The following SCFD1 variants were observed in gnomAD, a reference collection of about 807,000 sequenced individuals.
SCFD1 encodes the protein sec1 family domain containing 1.
In SCFD1, 37 loss-of-function variants were observed where a neutral mutation model predicts 103.2. The ratio of observed to expected loss-of-function variants is 0.36; its 90% CI spans 0.28 to 0.47. The LOEUF is 0.47. Ranked by LOEUF, SCFD1 falls within the 20% of genes least tolerant of loss-of-function variation. The pLI is 1.00. For synonymous variants in SCFD1, 264 were observed against 245.0 expected (o/e 1.08, Z -0.73); for missense variants, 639 against 761.2 (o/e 0.84, Z 1.89).
At chr14:30,674,197 ATTCT>A (rs1347106278) in intron 13 of SCFD1, among the ~76,000 whole-genome samples, 200 bp downstream of exon 13, 3 of 152,338 alleles carry the variant, frequency 2.0e-5, no homozygotes, top group African/African-American at 7.2e-5. Flanking sequence ...GAGATTATTC[ATTCT>A]TTCACCAGTT....
chr14:30,627,515 G>C (rs1466815395), intron 1 of SCFD1, among the ~76,000 whole-genome samples: 4 of 152,142 alleles, frequency 2.6e-5, no homozygotes. Context: ...GGGAGGCCAA[G>C]GCGGGTGGAT....
At chr14:30,644,038 A>G in intron 7 of SCFD1, 1 of 451,892 alleles carries the variant, frequency 2.2e-6, no homozygotes. Context: ...AATATCTATT[A>G]TTCTCATCTT....
intron 20 of SCFD1, 145 bp downstream of exon 20, chr14:30,716,122 A>G: frequency 1.6e-6 from 1 of 619,940 alleles, no homozygotes; most frequent in Non-Finnish European, 2.8e-6. Context: ...GTTCTCAAGA[A>G]GCCTTTTTTA....
intron 14 of SCFD1, among the ~76,000 whole-genome samples, chr14:30,690,765 C>A (rs757564728): frequency 1.3e-5 from 2 of 151,982 alleles, no homozygotes; most frequent in Admixed American, 6.5e-5. Flanking sequence ...AGAAATCACC[C>A]GTCTTCTGCG....
chr14:30,653,410 T>C lies in SCFD1; in HGVS notation c.756-79T>C, dbSNP rs1886589379. 8.2e-6 allele frequency: 7 copies of C among 857,110 alleles called. No homozygotes were observed. In the South Asian group the frequency reaches 1.1e-4, roughly 13 times the overall value. 53.1% of individuals were successfully genotyped at this position (857,110 alleles called of 1,614,324 possible). On this transcript the variant is annotated intron_variant, in intron 9 of 24. Transcript: ENST00000458591. Reference sequence around the variant, plus strand: ...CTATTATTCATATCAAAATGGCATATACTGGAAAGTAGTAGAATATTTTAG... The same window carrying C: ...CTATTATTCATATCAAAATGGCATACACTGGAAAGTAGTAGAATATTTTAG...
intron 1 of SCFD1, among the ~76,000 whole-genome samples, chr14:30,623,616 C>T (rs1192984202): frequency 6.6e-6 from 1 of 152,078 alleles, no homozygotes; most frequent in African/African-American, 2.4e-5. Context: ...ATTAAAATAA[C>T]GTGTCAGTAA....
At chr14:30,700,950 G>A (rs1439974114) in intron 16 of SCFD1, among the ~76,000 whole-genome samples, 3 of 152,158 alleles carry the variant, frequency 2.0e-5, no homozygotes, top group South Asian at 2.1e-4. Flanking sequence ...TAGAAAATAC[G>A]TTGTCTATTC....
chr14:30,711,210 A>G (rs1891845608), intron 19 of SCFD1, among the ~76,000 whole-genome samples: 1 of 152,282 alleles, frequency 6.6e-6, no homozygotes, highest in Non-Finnish European at 1.5e-5. Context: ...TTAACAACAC[A>G]TAAATTACAA....
At chr14:30,669,187 A>G (rs1311146727) in intron 10 of SCFD1, among the ~76,000 whole-genome samples, 1 of 152,090 alleles carries the variant, frequency 6.6e-6, no homozygotes, top group Admixed American at 6.6e-5. Context: ...AGTATTGATA[A>G]CCTTGTTTTA....
At chr14:30,633,146 A>AACCTATGGCAGCCATCACATT (rs1884350829) in intron 3 of SCFD1, among the ~76,000 whole-genome samples, 1 of 152,204 alleles carries the variant, frequency 6.6e-6, no homozygotes, top group Admixed American at 6.5e-5. Flanking sequence ...AAAAGACCAC[A>AACCTATGGCAGCCATCACATT]ACCTATGGCA....
intron 1 of SCFD1, among the ~76,000 whole-genome samples, chr14:30,627,295 C>T (rs1243484058): frequency 6.6e-6 from 1 of 152,178 alleles, no homozygotes; most frequent in African/African-American, 2.4e-5. Context: ...ATGGGAAAGT[C>T]TGTTTTCCCA....
intron 12 of SCFD1, among the ~76,000 whole-genome samples, chr14:30,673,659 G>C (rs117928157): frequency 0.019 from 2,902 of 152,218 alleles, 51 homozygotes; most frequent in Middle Eastern, 0.034. Context: ...CCTATGGCAC[G>C]TCTCTGGGCC....
At chr14:30,703,910 CATATATATAT>C (rs71443380) in intron 17 of SCFD1, among the ~76,000 whole-genome samples, 198 of 39,492 alleles carry the variant, frequency 5.0e-3, no homozygotes, top group Non-Finnish European at 7.6e-3. Flanking sequence ...GGAATATTTG[CATATATATAT>C]ATATATATAT....
At chr14:30,633,725 G>A (rs1053230163) in intron 3 of SCFD1, among the ~76,000 whole-genome samples, 3 of 152,134 alleles carry the variant, frequency 2.0e-5, no homozygotes, top group Non-Finnish European at 2.9e-5. Flanking sequence ...AGTGTGAGCA[G>A]AATAGAACAA....
At chr14:30,718,769 G>A (rs1892457149) in intron 20 of SCFD1, among the ~76,000 whole-genome samples, 1 of 152,172 alleles carries the variant, frequency 6.6e-6, no homozygotes. Context: ...TTGTAAGTCT[G>A]GCTGGTAGTG....
intron 3 of SCFD1, among the ~76,000 whole-genome samples, chr14:30,633,385 C>T (rs1884380615): frequency 1.3e-5 from 2 of 152,108 alleles, no homozygotes; most frequent in South Asian, 4.1e-4. Flanking sequence ...TGCTTACATT[C>T]TCTTATGAAA....
chr14:30,639,688 C>G, intron 5 of SCFD1, 89 bp from the exon 6 acceptor site: 1 of 1,305,546 alleles, frequency 7.7e-7, no homozygotes, highest in Non-Finnish European at 1.0e-6. Flanking sequence ...TTTTTCATTT[C>G]TACCATTGGT....
chr14:30,710,023 G>T (rs190483953), intron 19 of SCFD1, among the ~76,000 whole-genome samples: 1 of 152,110 alleles, frequency 6.6e-6, no homozygotes, highest in East Asian at 1.9e-4. Context: ...AATAATCATG[G>T]TTTGTTTTGT....
At chr14:30,714,689 G>T (rs1892151087) in intron 19 of SCFD1, among the ~76,000 whole-genome samples, 1 of 152,050 alleles carries the variant, frequency 6.6e-6, no homozygotes, top group Non-Finnish European at 1.5e-5. Flanking sequence ...TTATATAATA[G>T]TAATGTGTTA....
Sources: gnomAD v4.1 joint callset for allele counts (sites outside exome capture counted in the v4.1 genomes callset) on GRCh38, gnomAD v4.1.1 for gene constraint, MANE v1.5 for transcripts, NCBI Gene and HGNC (gene_info 2026-07-23, HGNC 2026-07-21) for gene names.